The following OR2A42 variants were observed in gnomAD, a reference collection of about 807,000 sequenced individuals.
The protein encoded by OR2A42 is olfactory receptor family 2 subfamily A member 42, also known as olfactory receptor 2A1/2A42.
For synonymous variants in OR2A42, 5 were observed against 46.4 expected (o/e 0.11, Z 3.63); for missense variants, 3 against 104.1 (o/e 0.03, Z 4.23).
At chr7:144,237,483 A>G (rs1383976807) in intron 2 of OR2A42, among the ~76,000 whole-genome samples, 2 of 148,994 alleles carry the variant, frequency 1.3e-5, no homozygotes, top group South Asian at 2.2e-4. Context: ...TCTTTCAAGT[A>G]TACCGATTAC....
chr7:144,230,039 C>T lies in OR2A42; in HGVS notation c.*1872G>A, dbSNP rs1262906669. On this transcript the variant is annotated 3_prime_UTR_variant, in exon 3 of 3. Transcript: ENST00000641810. ...TTGTTTTTGGTTTCACCATCCTGCC[C>T]GTCAAGAGGCTCCTCCTCCGTCTCT... 2.7e-5 allele frequency: 4 copies of T among 148,172 alleles called. No homozygotes were observed. The highest frequency in any genetic ancestry group is 4.5e-5 in the Non-Finnish European group (3 of 66,556). The allele number at this position is 148,172 out of a possible 1,614,324, so 9.2% of individuals were successfully genotyped here. A position where few individuals can be genotyped will look rare whatever the true frequency, so the allele number is the denominator to read the frequency against.
At chr7:144,234,878 T>C (rs2052404993) in intron 2 of OR2A42, among the ~76,000 whole-genome samples, 4 of 131,352 alleles carry the variant, frequency 3.0e-5, no homozygotes, top group Admixed American at 1.4e-4. Flanking sequence ...TACATTTAAT[T>C]GGAAAACACG....
At chr7:144,233,043 GA>G (rs1451282147) in intron 2 of OR2A42, among the ~76,000 whole-genome samples, 196 bp from the exon 3 acceptor site, 1 of 152,238 alleles carries the variant, frequency 6.6e-6, no homozygotes, top group Admixed American at 6.5e-5. Context: ...TAGAGCCATT[GA>G]CACATCATGG....
intron 2 of OR2A42, among the ~76,000 whole-genome samples, chr7:144,235,807 C>T (rs201361151): frequency 6.6e-6 from 1 of 151,582 alleles, no homozygotes; most frequent in East Asian, 1.9e-4. Context: ...AAATATAACC[C>T]AGTTGCAAAT....
intron 2 of OR2A42, among the ~76,000 whole-genome samples, chr7:144,237,512 A>C (rs1321793238): frequency 1.3e-5 from 2 of 149,842 alleles, no homozygotes; most frequent in African/African-American, 4.9e-5. Flanking sequence ...AGATTTAAGC[A>C]AGCCAGAAAT....
rs1447113353 is a variant in OR2A42, at chr7:144,229,119, GT to G, written c.*2791del. 1.4e-5 allele frequency: 2 copies of G among 145,264 alleles called. No homozygotes were observed. The highest frequency in any genetic ancestry group is 1.4e-4 in the Admixed American group (2 of 13,916). The allele number at this position is 145,264 out of a possible 1,614,324, so 9.0% of individuals were successfully genotyped here. On this transcript the variant is annotated 3_prime_UTR_variant, in exon 3 of 3. Transcript: ENST00000641810. Reference sequence around the variant, plus strand: ...TCTTCCTGTTTAAAGAGCAATTTTGGTTCCAGATCAGAAAGTTTAGCAACCC... The same window carrying G: ...TCTTCCTGTTTAAAGAGCAATTTTGGTCCAGATCAGAAAGTTTAGCAACCC...
Position 144,229,706 on chromosome 7 carries a change from A to G in OR2A42, c.*2205T>C, listed in dbSNP as rs2052346584. ...TGCCGTGAAACTAAACAACCGTTTAAAAACTGTTCGGCAGCAATGGAATTA... is the reference window on the plus strand; with the variant it reads ...TGCCGTGAAACTAAACAACCGTTTAGAAACTGTTCGGCAGCAATGGAATTA... On this transcript the variant is annotated 3_prime_UTR_variant, in exon 3 of 3. Transcript: ENST00000641810. 6.6e-6 allele frequency: 1 copy of G among 150,616 alleles called. No individual in the cohort carries two copies. The highest frequency in any genetic ancestry group is 1.5e-5 in the Non-Finnish European group (1 of 67,366). The allele number at this position is 150,616 out of a possible 1,614,324, so 9.3% of individuals were successfully genotyped here. A position where few individuals can be genotyped will look rare whatever the true frequency, so the allele number is the denominator to read the frequency against.
At chr7:144,237,535 C>A (rs2052445182) in intron 2 of OR2A42, among the ~76,000 whole-genome samples, 1 of 148,130 alleles carries the variant, frequency 6.8e-6, no homozygotes, top group African/African-American at 2.5e-5. Flanking sequence ...CAGATTCAGT[C>A]CAAAGACGGT....
intron 2 of OR2A42, among the ~76,000 whole-genome samples, chr7:144,235,100 C>CTGT: frequency 6.8e-6 from 1 of 146,882 alleles, no homozygotes; most frequent in Non-Finnish European, 1.5e-5. Context: ...AGGTGCATGC[C>CTGT]ACCATACCTA....
rs1165972560 is a variant in OR2A42, at chr7:144,232,004, G to GA, written c.839dup (p.Asn281GlnfsTer5). The GA allele has an allele frequency of 5.0e-6, 1 of 198,636 alleles. No homozygotes were observed. The highest frequency in any genetic ancestry group is 8.0e-5 in the Admixed American group (1 of 12,438). 12.3% of individuals were successfully genotyped at this position (198,636 alleles called of 1,614,324 possible). On this transcript the variant is annotated frameshift_variant, in exon 3 of 3. Coordinates refer to ENST00000641810, the MANE Select transcript of OR2A42 (RefSeq NM_001001802.3). LOFTEE classifies it low-confidence loss of function (END_TRUNC). Reference sequence around the variant, plus strand: ...AAATCAGGGGGTTAAGTGTTGGGTTGAAAAAACTGTAAAATAGAAAAAAGA... The same window carrying GA: ...AAATCAGGGGGTTAAGTGTTGGGTTGAAAAAAACTGTAAAATAGAAAAAAGA...
In OR2A42 at chr7:144,229,968, C is replaced by T. The variant is rs539770028; in HGVS notation, c.*1943G>A. 1 of 151,090 alleles carries T rather than the reference C, an allele frequency of 6.6e-6. No homozygotes were observed. The highest frequency in any genetic ancestry group is 6.7e-5 in the Admixed American group (1 of 15,010). 9.4% of individuals were successfully genotyped at this position (151,090 alleles called of 1,614,324 possible). On this transcript the variant is annotated 3_prime_UTR_variant, in exon 3 of 3. Transcript: ENST00000641810. The stretch of plus-strand genomic sequence containing the variant: ...GCTAGATAATTTACAAAAACACTTT[C>T]TAATGTTCTTCAATTGATGAACCAT...
intron 2 of OR2A42, among the ~76,000 whole-genome samples, chr7:144,235,949 A>T (rs201461762): frequency 6.7e-3 from 3 of 450 alleles, no homozygotes; most frequent in Non-Finnish European, 0.012. Flanking sequence ...TAACGAACTT[A>T]AAAAAAAAAT....
rs1405386691 is a variant in OR2A42 at position 144,228,625 on chromosome 7, T to C, written c.*3286A>G. ...TTAAAGAAGTTTAGAAATCAGAAGA[T>C]GGCTCAACACTGAAAATTTGGAAAT... On this transcript the variant is annotated 3_prime_UTR_variant, in exon 3 of 3. Coordinates refer to ENST00000641810, the MANE Select transcript of OR2A42 (RefSeq NM_001001802.3). 8.1e-6 allele frequency: 1 copy of C among 122,968 alleles called. No individual in the cohort carries two copies. The highest frequency in any genetic ancestry group is 2.7e-4 in the East Asian group (1 of 3,640). 7.6% of individuals were successfully genotyped at this position (122,968 alleles called of 1,614,324 possible). A position where few individuals can be genotyped will look rare whatever the true frequency, so the allele number is the denominator to read the frequency against.
intron 2 of OR2A42, among the ~76,000 whole-genome samples, chr7:144,235,795 T>C (rs1186753281): frequency 6.6e-6 from 1 of 151,620 alleles, no homozygotes. Context: ...AAAAAAAAAA[T>C]TAAATATAAC....
At chr7:144,237,354 TC>T (rs1383843352) in intron 2 of OR2A42, among the ~76,000 whole-genome samples, 3 of 143,340 alleles carry the variant, frequency 2.1e-5, no homozygotes, top group Non-Finnish European at 3.1e-5. Flanking sequence ...TTTAGTATCT[TC>T]TTTCACTTTT....
At chr7:144,235,091 G>A (rs1399946036) in intron 2 of OR2A42, among the ~76,000 whole-genome samples, 1 of 145,176 alleles carries the variant, frequency 6.9e-6, no homozygotes, top group East Asian at 1.9e-4. Flanking sequence ...TGGGATTACA[G>A]GTGCATGCCA....
chr7:144,235,273 T>G (rs1375918812), intron 2 of OR2A42, among the ~76,000 whole-genome samples: 2 of 149,502 alleles, frequency 1.3e-5, no homozygotes, highest in East Asian at 3.8e-4. Context: ...TATAAAAAAC[T>G]TAATTTCTTT....
At position 144,230,428 on chromosome 7, in the gene OR2A42, A is replaced by G. The variant is rs1181640919; in HGVS notation, c.*1483T>C. ...TGTTTTCTCGCCTAAAAATAGTAGT[A>G]ATAGTCTCTACCTCATAGGGTTTTT... On this transcript the variant is annotated 3_prime_UTR_variant, in exon 3 of 3. Coordinates refer to ENST00000641810, the MANE Select transcript of OR2A42 (RefSeq NM_001001802.3). 81 of 122,450 alleles carry G rather than the reference A, an allele frequency of 6.6e-4. No homozygotes were observed. Among genetic ancestry groups the G allele is most frequent in the Non-Finnish European group, 9.7e-4 (56 of 57,928 alleles). The allele number at this position is 122,450 out of a possible 1,614,324, so 7.6% of individuals were successfully genotyped here. A position where few individuals can be genotyped will look rare whatever the true frequency, so the allele number is the denominator to read the frequency against.
chr7:144,237,569 AAC>A (rs1254606752), intron 2 of OR2A42, among the ~76,000 whole-genome samples: 1,558 of 129,536 alleles, frequency 0.012, 34 homozygotes, highest in African/African-American at 0.047. Context: ...AACAAACAAC[AAC>A]AAAAAAAAAA....
Sources: gnomAD v4.1 joint callset for allele counts (sites outside exome capture counted in the v4.1 genomes callset) on GRCh38, gnomAD v4.1.1 for gene constraint, MANE v1.5 for transcripts, NCBI Gene and HGNC (gene_info 2026-07-23, HGNC 2026-07-21) for gene names.